The following IZUMO2 variants were observed in gnomAD, a reference collection of about 807,000 sequenced individuals.
IZUMO2 encodes izumo sperm-egg fusion protein 2.
IZUMO2 carries 24 observed loss-of-function variants against 31.2 expected under a neutral mutation model. That is an observed-to-expected ratio of 0.77 (90% confidence interval 0.56 to 1.08). The LOEUF (loss-of-function observed/expected upper bound fraction) is 1.08, where lower values mean the gene tolerates loss of function less well. IZUMO2 is among the 50% of genes least tolerant of loss of function. The pLI is 0.00. For missense variants in IZUMO2, 278 were observed against 274.0 expected (o/e 1.01, Z -0.10); for synonymous variants, 144 against 117.3 (o/e 1.23, Z -1.47).
chr19:50,155,730 C>T (rs2030192356), intron 5 of IZUMO2, among the ~76,000 whole-genome samples: 1 of 152,160 alleles, frequency 6.6e-6, no homozygotes, highest in Non-Finnish European at 1.5e-5. Flanking sequence ...CTCCGGGAGG[C>T]GCTGTTAAAA....
In IZUMO2 at chr19:50,154,609, A is replaced by G; in HGVS notation, c.614T>C (p.Ile205Thr). ...VSLAVFVFVVIVVSACTYRQN... is the reference protein window; with the variant it reads ...VSLAVFVFVVTVVSACTYRQN... ...GGCAAGGATGACTCACGAGACCACG[A>G]TGACCACGAAGACAAAGACAGCCAG... is the stretch of plus-strand genomic sequence containing the variant. The change falls in exon 6 of 7, where the codon ATC becomes ACC. Residue 205 changes from isoleucine to threonine, a missense_variant. Physicochemically the swap from Ile to Thr is moderately conservative, Grantham distance 89. Coordinates refer to ENST00000293405, the MANE Select transcript of IZUMO2 (RefSeq NM_152358.3). The G allele has an allele frequency of 1.8e-5, 29 of 1,614,008 alleles. No individual in the cohort carries two copies. The highest frequency in any genetic ancestry group is 2.5e-5 in the Non-Finnish European group (29 of 1,179,976).
intron 2 of IZUMO2, among the ~76,000 whole-genome samples, chr19:50,161,522 T>C (rs909187195): frequency 6.6e-6 from 1 of 152,146 alleles, no homozygotes; most frequent in Non-Finnish European, 1.5e-5. Flanking sequence ...TCCCCTTAAC[T>C]CTAAGATCTC....
At chr19:50,162,504 A>G (rs1359321815) in intron 2 of IZUMO2, among the ~76,000 whole-genome samples, 3 of 151,972 alleles carry the variant, frequency 2.0e-5, no homozygotes, top group Non-Finnish European at 4.4e-5. Context: ...GGTCCCAGCT[A>G]CTTGGGAGGC....
At position 50,163,032 on chromosome 19, in the gene IZUMO2, C is replaced by A; in HGVS notation, c.163G>T (p.Ala55Ser). The A allele has an allele frequency of 1.2e-6, 2 of 1,612,758 alleles. No homozygotes were observed. The highest frequency in any genetic ancestry group is 1.7e-6 in the Non-Finnish European group (2 of 1,179,136). The stretch of plus-strand genomic sequence containing the variant: ...GGCCCCTCCATGCCCATCAGCACGG[C>A]CCCGGCGCGCGCCTGCAGCTGCTCC... ...QLEQLQARAG[A>S]VLMGMEGPFF... The change falls in exon 1 of 7, where the codon GCC becomes TCC. Residue 55 changes from alanine (A) to serine (S), a missense_variant. By Grantham distance (99) the Ala-to-Ser change is moderately conservative (BLOSUM62 1). Coordinates refer to ENST00000293405, the MANE Select transcript of IZUMO2 (RefSeq NM_152358.3).
intron 4 of IZUMO2, among the ~76,000 whole-genome samples, chr19:50,158,736 C>T (rs1275430479): frequency 6.6e-6 from 1 of 152,126 alleles, no homozygotes; most frequent in Admixed American, 6.6e-5. Flanking sequence ...CCCAGGGTGC[C>T]TTTCAGTAAA....
At chr19:50,155,630 C>A (rs562748429) in intron 5 of IZUMO2, among the ~76,000 whole-genome samples, 41 of 152,292 alleles carry the variant, frequency 2.7e-4, no homozygotes, top group Non-Finnish European at 5.7e-4. Flanking sequence ...ATCCAATCCA[C>A]TTCCATGGCT....
chr19:50,158,904 A>T lies in IZUMO2; in HGVS notation c.415+326T>A, dbSNP rs909426359. Among the ~76,000 whole-genome samples the T allele has an allele frequency of 1.1e-4, 16 of 152,306 alleles. No individual in the cohort carries two copies. In the East Asian group the frequency reaches 2.9e-3, roughly 28 times the overall value. Reference sequence around the variant, plus strand: ...TGTGTATAGCCTGGATCCCTGAGTCACCACCTGGACTGCCACTCAACTGTC... The same window carrying T: ...TGTGTATAGCCTGGATCCCTGAGTCTCCACCTGGACTGCCACTCAACTGTC... On this transcript the variant is annotated intron_variant, in intron 4 of 6. Transcript: ENST00000293405.
chr19:50,156,217 T>C (rs771044464), intron 5 of IZUMO2, among the ~76,000 whole-genome samples: 2 of 152,150 alleles, frequency 1.3e-5, no homozygotes, highest in Non-Finnish European at 2.9e-5. Flanking sequence ...CAAGGGACAT[T>C]TGGAAATGTC....
At chr19:50,158,638 G>A (rs2030293789) in intron 4 of IZUMO2, among the ~76,000 whole-genome samples, 1 of 152,070 alleles carries the variant, frequency 6.6e-6, no homozygotes, top group Non-Finnish European at 1.5e-5. Flanking sequence ...TTTCTAATTT[G>A]GAGCCTCTTT....
intron 2 of IZUMO2, chr19:50,160,401 T>C (rs1361037955): frequency 6.6e-6 from 1 of 152,232 alleles, no homozygotes; most frequent in Non-Finnish European, 1.5e-5. Context: ...GGTGATATTT[T>C]ATATATTGGG....
intron 4 of IZUMO2, 47 bp downstream of exon 4, chr19:50,159,183 G>A (rs370372206): frequency 6.3e-7 from 1 of 1,594,002 alleles, no homozygotes; most frequent in Non-Finnish European, 8.6e-7. Context: ...CAGGGTGAAG[G>A]GGGTTAGGAG....
chr19:50,163,007 G>C lies in IZUMO2; in HGVS notation c.188C>G (p.Pro63Arg). The change falls in exon 1 of 7, where the codon CCT becomes CGT. Residue 63 changes from proline (P) to arginine (R), a missense_variant. Physicochemically the swap from Pro to Arg is moderately radical, Grantham distance 103. Transcript: ENST00000293405. The part of the protein sequence containing the change: ...AGAVLMGMEG[P>R]FFRDYALNVF... ...GTTCAGCGCGTAGTCCCGGAAGAAA[G>C]GCCCCTCCATGCCCATCAGCACGGC... The C allele has an allele frequency of 6.2e-7, 1 of 1,611,280 alleles. No individual in the cohort carries two copies. Among genetic ancestry groups the C allele is most frequent in the Non-Finnish European group, 8.5e-7 (1 of 1,178,468 alleles).
intron 5 of IZUMO2, among the ~76,000 whole-genome samples, chr19:50,156,448 T>C (rs1945884766): frequency 6.6e-6 from 1 of 152,122 alleles, no homozygotes; most frequent in African/African-American, 2.4e-5. Flanking sequence ...TACATCTGTC[T>C]CCCATTCCAC....
At chr19:50,161,777 C>T (rs1487029166) in intron 2 of IZUMO2, among the ~76,000 whole-genome samples, 1 of 152,182 alleles carries the variant, frequency 6.6e-6, no homozygotes, top group Non-Finnish European at 1.5e-5. Flanking sequence ...CCCCTACTCA[C>T]AGCACTTGCT....
chr19:50,155,503 A>G (rs544465296), intron 5 of IZUMO2, among the ~76,000 whole-genome samples: 111 of 152,318 alleles, frequency 7.3e-4, no homozygotes, highest in Non-Finnish European at 1.5e-3. Context: ...CATCTTAGCT[A>G]TTGGCCCTGA....
intron 5 of IZUMO2, among the ~76,000 whole-genome samples, chr19:50,155,855 C>T (rs937103061): frequency 2.0e-4 from 30 of 152,344 alleles, no homozygotes; most frequent in Middle Eastern, 3.4e-3. Flanking sequence ...CTGGTTCCCA[C>T]GTGACCCGGC....
chr19:50,152,605 C>G lies in IZUMO2; in HGVS notation c.*4G>C. On this transcript the variant is annotated 3_prime_UTR_variant, in exon 7 of 7. Coordinates refer to ENST00000293405, the MANE Select transcript of IZUMO2 (RefSeq NM_152358.3). ...TCCTTTCTCCTTACCCCCAAACCAC[C>G]GTCCTACTGCAGCAGGAGTTTTCGG... The G allele has an allele frequency of 1.2e-6, 2 of 1,611,048 alleles. No homozygotes were observed. Among genetic ancestry groups the G allele is most frequent in the Middle Eastern group, 1.6e-4 (1 of 6,062 alleles).
intron 5 of IZUMO2, among the ~76,000 whole-genome samples, chr19:50,157,043 G>A (rs989870965): frequency 3.3e-5 from 5 of 152,192 alleles, no homozygotes; most frequent in African/African-American, 7.2e-5. Flanking sequence ...GGGGCATGGT[G>A]TCTGTGGTTT....
intron 2 of IZUMO2, among the ~76,000 whole-genome samples, chr19:50,162,312 G>A (rs931493674): frequency 4.6e-5 from 7 of 151,510 alleles, no homozygotes; most frequent in African/African-American, 1.7e-4. Flanking sequence ...AAATAAAAGA[G>A]TATCTTGGTT....
Sources: gnomAD v4.1 joint callset for allele counts (sites outside exome capture counted in the v4.1 genomes callset) on GRCh38, gnomAD v4.1.1 for gene constraint, MANE v1.5 for transcripts, NCBI Gene and HGNC (gene_info 2026-07-23, HGNC 2026-07-21) for gene names.